Variants in SDK1 observed in about 807,000 individuals in gnomAD.
The protein encoded by SDK1 is sidekick cell adhesion molecule 1.
In SDK1, 157 loss-of-function variants were observed where a neutral mutation model predicts 245.5. The ratio of observed to expected loss-of-function variants is 0.64; its 90% CI spans 0.56 to 0.73. SDK1 has a LOEUF of 0.73. SDK1 is among the 30% of genes least tolerant of loss of function. The pLI is 0.00. For missense variants in SDK1, 3,583 were observed against 3,002.3 expected (o/e 1.19, Z -4.52); for synonymous variants, 1,647 against 1,278.5 (o/e 1.29, Z -6.15).
At chr7:3,623,526 C>A (rs1274945270) in intron 2 of SDK1, among the ~76,000 whole-genome samples, 1 of 152,210 alleles carries the variant, frequency 6.6e-6, no homozygotes, top group South Asian at 2.1e-4. Context: ...CAGGTGTGAG[C>A]CGCTGCACCC....
Position 4,110,285 on chromosome 7 carries a change from C to A in SDK1, c.3325-378C>A, listed in dbSNP as rs190935528. Among the ~76,000 whole-genome samples, 9 of 152,288 alleles carry A rather than the reference C, an allele frequency of 5.9e-5. No homozygotes were observed. The East Asian group carries it at 1.7e-3, about 30-fold the overall frequency. ...CATGGTCCTGGCCAAGTCTTCCTCT[C>A]TAGGCTTTCTCTGAGCCCTCACTTG... On this transcript the variant is annotated intron_variant, in intron 22 of 44. Coordinates refer to ENST00000404826, the MANE Select transcript of SDK1 (RefSeq NM_152744.4).
In SDK1 at chr7:4,115,968, C is replaced by T. The variant is rs548554475; in HGVS notation, c.3823+1694C>T. Among the ~76,000 whole-genome samples, 7 of 152,214 alleles carry T rather than the reference C, an allele frequency of 4.6e-5. No individual in the cohort carries two copies. The South Asian group carries it at 8.3e-4, about 18-fold the overall frequency. ...ACCTCGCACAGTCAGCAGGAGGAGG[C>T]GGATGACGTGGGGGCACAAGGCCTG... On this transcript the variant is annotated intron_variant, in intron 25 of 44. Coordinates refer to ENST00000404826, the MANE Select transcript of SDK1 (RefSeq NM_152744.4).
At chr7:4,050,116 A>G (rs940589875) in intron 18 of SDK1, among the ~76,000 whole-genome samples, 21 of 152,218 alleles carry the variant, frequency 1.4e-4, no homozygotes, top group African/African-American at 3.9e-4. Context: ...TTTAGCTACA[A>G]TAGGTCCACT....
At chr7:4,089,155 T>C (rs574351057) in intron 22 of SDK1, among the ~76,000 whole-genome samples, 1 of 150,890 alleles carries the variant, frequency 6.6e-6, no homozygotes, top group East Asian at 2.0e-4. Flanking sequence ...CTCCTTCAGG[T>C]GGAGGTGCGA....
intron 25 of SDK1, among the ~76,000 whole-genome samples, chr7:4,121,196 A>C (rs1784042015): frequency 6.6e-6 from 1 of 152,146 alleles, no homozygotes; most frequent in Non-Finnish European, 1.5e-5. Flanking sequence ...ACTGTGTTTT[A>C]ATTAATATTG....
intron 40 of SDK1, among the ~76,000 whole-genome samples, chr7:4,226,685 G>A (rs1417216214): frequency 6.6e-5 from 10 of 152,270 alleles, no homozygotes; most frequent in African/African-American, 1.2e-4. Flanking sequence ...CTGGCTGTGC[G>A]TAAGTTTCCT....
At chr7:3,781,135 C>G (rs1354292213) in intron 4 of SDK1, among the ~76,000 whole-genome samples, 1 of 152,108 alleles carries the variant, frequency 6.6e-6, no homozygotes. Flanking sequence ...AACATAGCCT[C>G]TGGTCTGCTT....
intron 4 of SDK1, among the ~76,000 whole-genome samples, chr7:3,766,919 C>T (rs1780270406): frequency 6.6e-6 from 1 of 152,126 alleles, no homozygotes; most frequent in Non-Finnish European, 1.5e-5. Context: ...AAAAGTGGTT[C>T]TATTTAAATT....
intron 7 of SDK1, among the ~76,000 whole-genome samples, chr7:3,954,991 G>T (rs1781143801): frequency 6.6e-6 from 1 of 151,778 alleles, no homozygotes; most frequent in Admixed American, 6.6e-5. Context: ...AGACAAGGAT[G>T]CCCCTTACCT....
chr7:3,550,131 T>C (rs1779353759), intron 1 of SDK1, among the ~76,000 whole-genome samples: 1 of 152,136 alleles, frequency 6.6e-6, no homozygotes, highest in Admixed American at 6.5e-5. Flanking sequence ...TTTCAACATA[T>C]TAATATGTGT....
chr7:3,854,001 T>C (rs1168752707), intron 5 of SDK1, among the ~76,000 whole-genome samples: 1 of 152,114 alleles, frequency 6.6e-6, no homozygotes, highest in Non-Finnish European at 1.5e-5. Context: ...AAAAAAATTT[T>C]TTTTGGATTT....
At chr7:4,118,593 C>T in intron 25 of SDK1, among the ~76,000 whole-genome samples, 1 of 150,456 alleles carries the variant, frequency 6.6e-6, no homozygotes, top group East Asian at 1.9e-4. Context: ...CCCAAGAGAG[C>T]AGAAAACATA....
intron 1 of SDK1, among the ~76,000 whole-genome samples, chr7:3,408,702 A>G (rs1248370481): frequency 1.3e-5 from 2 of 152,116 alleles, no homozygotes; most frequent in African/African-American, 2.4e-5. Flanking sequence ...TATTTTTTAT[A>G]TGTTGGACAG....
intron 20 of SDK1, among the ~76,000 whole-genome samples, chr7:4,074,880 C>A (rs1354103405): frequency 2.9e-4 from 25 of 87,346 alleles, no homozygotes; most frequent in African/African-American, 1.7e-3. Flanking sequence ...CTCTCTCTCT[C>A]TCTCTGTATA....
intron 4 of SDK1, among the ~76,000 whole-genome samples, chr7:3,813,135 A>C (rs1168047156): frequency 1.7e-4 from 26 of 151,246 alleles, no homozygotes; most frequent in Admixed American, 1.7e-3. Flanking sequence ...TTATACTTTA[A>C]GTTTTAGGGT....
In SDK1 at chr7:3,716,763, A is replaced by G. The variant is rs1785213207; in HGVS notation, c.713+74658A>G. Among the ~76,000 whole-genome samples, 3 of 150,858 alleles carry G rather than the reference A, an allele frequency of 2.0e-5. No individual in the cohort carries two copies. The South Asian group carries it at 6.3e-4, about 32-fold the overall frequency. On this transcript the variant is annotated intron_variant, in intron 4 of 44. Transcript: ENST00000404826. ...GACAAAGTGAGACCCTGTCTCACCA[A>G]AAAAAAAGAAAAAAAAAAAAGAAAA...
At chr7:4,189,533 A>G (rs767248864) in intron 35 of SDK1, among the ~76,000 whole-genome samples, 3 of 152,200 alleles carry the variant, frequency 2.0e-5, no homozygotes, top group Non-Finnish European at 2.9e-5. Flanking sequence ...GAAGACAGAC[A>G]GATACCCATG....
At chr7:3,848,626 A>C (rs1008161403) in intron 5 of SDK1, among the ~76,000 whole-genome samples, 1 of 151,986 alleles carries the variant, frequency 6.6e-6, no homozygotes, top group Non-Finnish European at 1.5e-5. Flanking sequence ...GGAACATAGA[A>C]GACCACCACC....
At chr7:3,672,943 T>C (rs935259317) in intron 4 of SDK1, among the ~76,000 whole-genome samples, 1 of 150,968 alleles carries the variant, frequency 6.6e-6, no homozygotes, top group Non-Finnish European at 1.5e-5. Context: ...AAACTTTTTC[T>C]AGATGCATCT....
Sources: allele counts gnomAD v4.1 joint callset (sites outside exome capture counted in the v4.1 genomes callset), GRCh38; gene constraint gnomAD v4.1.1; transcripts MANE v1.5; gene names NCBI Gene and HGNC (gene_info 2026-07-23, HGNC 2026-07-21).